CLIC2: variants seen among roughly 807,000 people sequenced by gnomAD.
CLIC2 encodes the protein CLIC family member 2.
A neutral mutation model predicts 14.8 loss-of-function variants in CLIC2; 9 were observed. The observed-to-expected ratio is 0.61, with a 90% confidence interval of 0.37 to 1.06. The LOEUF is 1.06. Ranked by LOEUF, CLIC2 falls within the 50% of genes least tolerant of loss-of-function variation. The pLI, the probability that CLIC2 is intolerant of heterozygous loss-of-function variation, is 0.01. For missense variants in CLIC2, 148 were observed against 181.4 expected (o/e 0.82, Z 1.06); for synonymous variants, 61 against 66.3 (o/e 0.92, Z 0.39).
At chrX:155,286,459 A>G (rs1177787080) in intron 3 of CLIC2, among the ~76,000 whole-genome samples, 1 of 111,646 alleles carries the variant, frequency 9.0e-6, no homozygotes, top group Non-Finnish European at 1.9e-5. Context: ...ACGTGTCTTT[A>G]TGGTAGAATG....
chrX:155,290,125 G>A (rs2074958415), intron 3 of CLIC2, among the ~76,000 whole-genome samples: 1 of 112,249 alleles, frequency 8.9e-6, no homozygotes, highest in South Asian at 3.6e-4. Flanking sequence ...TATAAAAACA[G>A]TGTGACAAAA....
At chrX:155,304,981 A>G (rs1557319780) in intron 1 of CLIC2, among the ~76,000 whole-genome samples, 1 of 108,666 alleles carries the variant, frequency 9.2e-6, no homozygotes, top group East Asian at 2.9e-4. Context: ...TGCTCTCTTC[A>G]AAGCTGTCAG....
Position 155,280,073 on chromosome X carries a change from A to G in CLIC2, c.294-5T>C, listed in dbSNP as rs781808586. 4 of 1,129,554 alleles carry G rather than the reference A, an allele frequency of 3.5e-6. No individual in the cohort carries two copies. In the South Asian group the frequency reaches 7.3e-5, roughly 20 times the overall value. 93.1% of individuals were successfully genotyped at this position (1,129,554 alleles called of 1,213,427 possible). Reference sequence around the variant, plus strand: ...TTGGGACTCAGGTGAGGGTACCTTAAAAAGAAACATGCGTCAACTATCATT... The same window carrying G: ...TTGGGACTCAGGTGAGGGTACCTTAGAAAGAAACATGCGTCAACTATCATT... On this transcript the variant is annotated splice_polypyrimidine_tract_variant and splice_region_variant and intron_variant, in intron 3 of 5. Coordinates refer to ENST00000369449, the MANE Select transcript of CLIC2 (RefSeq NM_001289.6).
At chrX:155,317,909 G>C (rs1348381826) in intron 1 of CLIC2, among the ~76,000 whole-genome samples, 1 of 111,855 alleles carries the variant, frequency 8.9e-6, no homozygotes, top group Non-Finnish European at 1.9e-5. Flanking sequence ...ACATCTGCAA[G>C]TTAACAAATG....
chrX:155,319,787 C>A (rs1223715965), intron 1 of CLIC2, among the ~76,000 whole-genome samples: 1 of 111,956 alleles, frequency 8.9e-6, no homozygotes, highest in African/African-American at 3.2e-5. Context: ...TCCCATGGAG[C>A]CCAGCAAGCT....
intron 1 of CLIC2, among the ~76,000 whole-genome samples, chrX:155,322,743 C>CA (rs782198424): frequency 1.8e-5 from 2 of 110,807 alleles, no homozygotes; most frequent in East Asian, 2.8e-4. Context: ...AAAAATCCTT[C>CA]AAAAAAATCA....
intron 3 of CLIC2, among the ~76,000 whole-genome samples, chrX:155,296,578 G>A (rs1198523311): frequency 9.0e-6 from 1 of 111,381 alleles, no homozygotes; most frequent in Non-Finnish European, 1.9e-5. Flanking sequence ...CCTTTTGAAT[G>A]AGAGGAAATG....
At chrX:155,318,295 A>C (rs2075101741) in intron 1 of CLIC2, among the ~76,000 whole-genome samples, 1 of 111,862 alleles carries the variant, frequency 8.9e-6, no homozygotes, top group Non-Finnish European at 1.9e-5. Flanking sequence ...ATGTTTGTAT[A>C]CCTAGAAAAC....
intron 3 of CLIC2, chrX:155,292,517 T>A: frequency 1.8e-6 from 1 of 547,714 alleles, no homozygotes; most frequent in Non-Finnish European, 3.2e-6. Context: ...CTGCCTGTAA[T>A]CCCAGCACTT....
intron 1 of CLIC2, among the ~76,000 whole-genome samples, chrX:155,309,866 A>T (rs2075067947): frequency 9.0e-6 from 1 of 111,400 alleles, no homozygotes; most frequent in African/African-American, 3.3e-5. Flanking sequence ...GCCCCTCCCA[A>T]ATCTCATGTC....
chrX:155,314,146 A>G (rs1440303973), intron 1 of CLIC2, among the ~76,000 whole-genome samples: 2 of 110,783 alleles, frequency 1.8e-5, no homozygotes, highest in African/African-American at 6.6e-5. Flanking sequence ...TGGGAGCTCT[A>G]TGGCTCTGCC....
chrX:155,327,180 A>C (rs1557322407), intron 1 of CLIC2, among the ~76,000 whole-genome samples: 1 of 111,736 alleles, frequency 8.9e-6, no homozygotes, highest in Admixed American at 9.6e-5. Context: ...AATTTTAGTC[A>C]TAAGAAACCA....
At chrX:155,310,476 C>A in intron 1 of CLIC2, 1 of 267,659 alleles carries the variant, frequency 3.7e-6, no homozygotes, top group South Asian at 4.5e-5. Flanking sequence ...GCATTTTTCT[C>A]ACCTTGTTTC....
intron 5 of CLIC2, 92 bp from the exon 6 acceptor site, chrX:155,278,156 C>T (rs2074905263): frequency 1.3e-6 from 1 of 753,977 alleles, no homozygotes. Flanking sequence ...TTATCAAAGG[C>T]ATCTTATCGA....
rs1452864374 is a variant in CLIC2 at position 155,293,325 on chromosome X, A to C, written c.293+5460T>G. 3 of 1,108,548 alleles carry C rather than the reference A, an allele frequency of 2.7e-6. No homozygotes were observed. The East Asian group carries it at 9.0e-5, about 33-fold the overall frequency. The allele number at this position is 1,108,548 out of a possible 1,213,427, so 91.4% of individuals were successfully genotyped here. ...AGCCCAAAGTCATTCCAAATGCTAT[A>C]TGTGGAATTTGTCTGAAGGGTAAGG... On this transcript the variant is annotated intron_variant, in intron 3 of 5. Coordinates refer to ENST00000369449, the MANE Select transcript of CLIC2 (RefSeq NM_001289.6).
intron 1 of CLIC2, among the ~76,000 whole-genome samples, chrX:155,319,065 T>C (rs1376716571): frequency 1.8e-5 from 2 of 112,023 alleles, no homozygotes; most frequent in African/African-American, 6.5e-5. Context: ...TAATTCAAGA[T>C]GAATCAAAGA....
chrX:155,315,018 A>G (rs1406300272), intron 1 of CLIC2, among the ~76,000 whole-genome samples: 2 of 111,835 alleles, frequency 1.8e-5, no homozygotes, highest in East Asian at 5.6e-4. Context: ...GCTTGAAGAT[A>G]AGGCTTTCAA....
At chrX:155,299,199 T>G in intron 1 of CLIC2, 54 bp from the exon 2 acceptor site, 1 of 966,531 alleles carries the variant, frequency 1.0e-6, no homozygotes. Flanking sequence ...AAGTATGTAT[T>G]TAGTTCCTAA....
intron 3 of CLIC2, among the ~76,000 whole-genome samples, chrX:155,281,972 C>A (rs782556975): frequency 1.8e-5 from 2 of 110,845 alleles, no homozygotes; most frequent in Non-Finnish European, 3.8e-5. Context: ...AGTCTGCAGT[C>A]GTCTCATCTT....
Sources: allele counts gnomAD v4.1 joint callset (sites outside exome capture counted in the v4.1 genomes callset), GRCh38; gene constraint gnomAD v4.1.1; transcripts MANE v1.5; gene names NCBI Gene and HGNC (gene_info 2026-07-23, HGNC 2026-07-21).